Variants in MICU1 observed in about 807,000 individuals in gnomAD.
The protein encoded by MICU1 is mitochondrial calcium uptake 1.
A neutral mutation model predicts 56.8 loss-of-function variants in MICU1; 45 were observed. The ratio of observed to expected loss-of-function variants is 0.79; its 90% CI spans 0.62 to 1.02. The LOEUF (loss-of-function observed/expected upper bound fraction) is 1.02. Ranked by LOEUF, MICU1 falls within the 50% of genes least tolerant of loss-of-function variation. MICU1 has a pLI of 0.00. For synonymous variants in MICU1, 186 were observed against 195.1 expected, an observed-to-expected ratio of 0.95 and a Z score of 0.39; for missense variants, 504 against 587.1, an observed-to-expected ratio of 0.86 and a Z score of 1.46.
chr10:72,611,345 C>A (rs1841843469), intron 1 of MICU1, among the ~76,000 whole-genome samples: 2 of 151,310 alleles, frequency 1.3e-5, no homozygotes, highest in South Asian at 2.1e-4. Flanking sequence ...GGAGCAGTTG[C>A]TCACATCTGT....
intron 6 of MICU1, among the ~76,000 whole-genome samples, chr10:72,479,544 T>C (rs1866225992): frequency 6.6e-6 from 1 of 152,214 alleles, no homozygotes; most frequent in Non-Finnish European, 1.5e-5. Flanking sequence ...GTTTTTGTTT[T>C]TTGGGACAGG....
At chr10:72,507,534 T>A (rs1425943010) in intron 6 of MICU1, among the ~76,000 whole-genome samples, 2 of 152,182 alleles carry the variant, frequency 1.3e-5, no homozygotes, top group African/African-American at 4.8e-5. Context: ...AAAATATGTG[T>A]TATTGGAGAA....
At chr10:72,516,156 T>C (rs535230655) in intron 5 of MICU1, among the ~76,000 whole-genome samples, 2 of 152,232 alleles carry the variant, frequency 1.3e-5, no homozygotes, top group Non-Finnish European at 2.9e-5. Flanking sequence ...TGGTATCTCA[T>C]TGCGGTTTTG....
At chr10:72,608,088 A>G (rs1393530788) in intron 1 of MICU1, among the ~76,000 whole-genome samples, 1 of 151,932 alleles carries the variant, frequency 6.6e-6, no homozygotes, top group African/African-American at 2.4e-5. Flanking sequence ...TTTTTTTGAG[A>G]CAGGGTGTCT....
intron 5 of MICU1, among the ~76,000 whole-genome samples, chr10:72,510,285 C>A (rs942144063): frequency 5.3e-5 from 8 of 152,114 alleles, no homozygotes; most frequent in Non-Finnish European, 8.8e-5. Flanking sequence ...TTCAAACTCA[C>A]AGAAAAGTTG....
intron 8 of MICU1, among the ~76,000 whole-genome samples, chr10:72,436,417 C>T (rs1864723684): frequency 6.6e-6 from 1 of 152,198 alleles, no homozygotes; most frequent in African/African-American, 2.4e-5. Flanking sequence ...AGATCACCAA[C>T]ATCAAAGACC....
At chr10:72,578,421 CTT>C (rs34573464) in intron 1 of MICU1, among the ~76,000 whole-genome samples, 9 of 134,708 alleles carry the variant, frequency 6.7e-5, no homozygotes, top group African/African-American at 8.3e-5. Context: ...CCATGCCTGG[CTT>C]TTTTTTTTTT....
In MICU1 at chr10:72,508,289, C is replaced by T. The variant is rs1399640843; in HGVS notation, c.538-20G>A. The T allele has an allele frequency of 9.1e-7, 1 of 1,094,510 alleles. No individual in the cohort carries two copies. The highest frequency in any genetic ancestry group is 1.9e-5 in the South Asian group (1 of 53,850). 67.8% of individuals were successfully genotyped at this position (1,094,510 alleles called of 1,614,324 possible). A position where few individuals can be genotyped will look rare whatever the true frequency, so the allele number is the denominator to read the frequency against. On this transcript the variant is annotated intron_variant, in intron 5 of 11. Transcript: ENST00000361114. ...AATTTTCTATAGAATGTATGGGTCCCACCAAAAGACAAAAATATATAAGTG... is the reference window on the plus strand; with the variant it reads ...AATTTTCTATAGAATGTATGGGTCCTACCAAAAGACAAAAATATATAAGTG...
chr10:72,412,056 C>T lies in MICU1; in HGVS notation c.1072-4019G>A, dbSNP rs117995614. Reference sequence around the variant, plus strand: ...ACAGTGAGGGAAATTGTATTGGACACAGGCCTTGATTTTTTGGAGCTTACT... The same window carrying T: ...ACAGTGAGGGAAATTGTATTGGACATAGGCCTTGATTTTTTGGAGCTTACT... On this transcript the variant is annotated intron_variant, in intron 9 of 11. Coordinates refer to ENST00000361114, the MANE Select transcript of MICU1 (RefSeq NM_001195518.2). 6.4e-3 allele frequency among the ~76,000 whole-genome samples: 968 copies of T among 152,292 alleles called. 8 individuals are homozygous for T. The highest frequency in any genetic ancestry group is 0.034 in the East Asian group (176 of 5,190).
At chr10:72,615,487 G>A (rs1405859150) in intron 1 of MICU1, among the ~76,000 whole-genome samples, 1 of 152,036 alleles carries the variant, frequency 6.6e-6, no homozygotes, top group Non-Finnish European at 1.5e-5. Flanking sequence ...TACATCTAAA[G>A]GTTAGATCAC....
intron 4 of MICU1, among the ~76,000 whole-genome samples, chr10:72,547,528 C>CAT (rs1205295949): frequency 1.0e-5 from 1 of 97,308 alleles, no homozygotes; most frequent in African/African-American, 4.1e-5. Context: ...AATATATACA[C>CAT]ATATGTATAT....
intron 5 of MICU1, among the ~76,000 whole-genome samples, chr10:72,515,719 C>G (rs1867626294): frequency 6.6e-6 from 1 of 152,112 alleles, no homozygotes; most frequent in African/African-American, 2.4e-5. Context: ...CATCTAGAGT[C>G]CAACATTTGT....
intron 8 of MICU1, among the ~76,000 whole-genome samples, chr10:72,437,451 G>C (rs1007986760): frequency 3.3e-5 from 5 of 152,300 alleles, no homozygotes; most frequent in African/African-American, 4.8e-5. Flanking sequence ...TTGCCAAATT[G>C]TAAAGACCAT....
chr10:72,520,074 C>G (rs561299379), intron 5 of MICU1, among the ~76,000 whole-genome samples: 4 of 152,062 alleles, frequency 2.6e-5, no homozygotes, highest in African/African-American at 4.8e-5. Context: ...TGAGGTTGTA[C>G]ATCAAAAACA....
Position 72,402,562 on chromosome 10 carries a change from T to C in MICU1, c.1180+5367A>G, listed in dbSNP as rs533326923. ...ACTTGGCCCAAATAAACTTTAGGTA[T>C]ATTAAAAAAAACAAAAAACAAAAAA... On this transcript the variant is annotated intron_variant, in intron 10 of 11. Coordinates refer to ENST00000361114, the MANE Select transcript of MICU1 (RefSeq NM_001195518.2). Among the ~76,000 whole-genome samples, 7 of 151,866 alleles carry C rather than the reference T, an allele frequency of 4.6e-5. No homozygotes were observed. The East Asian group carries it at 1.4e-3, about 29-fold the overall frequency.
intron 6 of MICU1, among the ~76,000 whole-genome samples, chr10:72,490,884 AGGACCCG>A (rs1866631911): frequency 6.6e-6 from 1 of 152,212 alleles, no homozygotes; most frequent in African/African-American, 2.4e-5. Context: ...CATTTCACCA[AGGACCCG>A]TTTTTTCCCC....
At chr10:72,369,329 G>A (rs898403046) in intron 11 of MICU1, among the ~76,000 whole-genome samples, 2 of 151,724 alleles carry the variant, frequency 1.3e-5, no homozygotes, top group Non-Finnish European at 2.9e-5. Flanking sequence ...AAAGAGGTGG[G>A]CAGGAGACAG....
intron 10 of MICU1, among the ~76,000 whole-genome samples, chr10:72,378,276 A>C (rs1381440885): frequency 6.6e-6 from 1 of 152,114 alleles, no homozygotes; most frequent in African/African-American, 2.4e-5. Flanking sequence ...AAAAACAAAA[A>C]AACCCTGAAA....
At chr10:72,617,174 G>T (rs79470159) in intron 1 of MICU1, among the ~76,000 whole-genome samples, 3,882 of 151,924 alleles carry the variant, frequency 0.026, 158 homozygotes, top group African/African-American at 0.088. Flanking sequence ...CTCTTTCTCT[G>T]AATTATTTTA....
Sources: allele counts gnomAD v4.1 joint callset (sites outside exome capture counted in the v4.1 genomes callset), GRCh38; gene constraint gnomAD v4.1.1; transcripts MANE v1.5; gene names NCBI Gene and HGNC (gene_info 2026-07-23, HGNC 2026-07-21).